The following ABLIM1 variants were observed in gnomAD, a reference collection of about 807,000 sequenced individuals.
ABLIM1 encodes the protein actin-binding LIM protein 1.
Under a neutral mutation model 107.0 loss-of-function variants are expected in ABLIM1, and 40 were observed. That is an observed-to-expected ratio of 0.37 (90% confidence interval 0.29 to 0.49). The LOEUF is 0.49. ABLIM1 is among the 20% of genes least tolerant of loss of function. The pLI, the probability that ABLIM1 is intolerant of heterozygous loss-of-function variation, is 0.97. For synonymous variants in ABLIM1, 357 were observed against 357.3 expected (o/e 1.00, Z 0.01); for missense variants, 857 against 1,008.5 (o/e 0.85, Z 2.04).
At chr10:114,784,405 C>G in the ABLIM1 span, among the ~76,000 whole-genome samples, 1 of 148,882 alleles carries the variant, frequency 6.7e-6, no homozygotes, top group African/African-American at 2.6e-5. Flanking sequence ...TAGCTCACGC[C>G]TGTAATCCTA....
intron 6 of ABLIM1, among the ~76,000 whole-genome samples, chr10:114,500,813 T>C (rs898188005): frequency 7.3e-6 from 1 of 137,396 alleles, no homozygotes; most frequent in South Asian, 2.3e-4. Context: ...CGTAGGATTG[T>C]TATGAAAGTT....
intron 14 of ABLIM1, chr10:114,450,196 A>G (rs1488998727): frequency 4.6e-5 from 12 of 260,206 alleles, no homozygotes; most frequent in Non-Finnish European, 9.5e-5. Context: ...GAGTGTGTGG[A>G]AAGACAATAA....
chr10:114,616,908 T>C (rs1358054341), intron 1 of ABLIM1, among the ~76,000 whole-genome samples: 1 of 152,240 alleles, frequency 6.6e-6, no homozygotes, highest in African/African-American at 2.4e-5. Flanking sequence ...ATTATTGTCC[T>C]TATTTTCTGA....
intron 1 of ABLIM1, chr10:114,631,778 G>C (rs1430049372): frequency 9.8e-7 from 1 of 1,019,748 alleles, no homozygotes; most frequent in Non-Finnish European, 1.3e-6. Flanking sequence ...TCACAATACG[G>C]AGCTTCTCAC....
intron 8 of ABLIM1, among the ~76,000 whole-genome samples, chr10:114,479,856 A>G (rs548337418): frequency 1.3e-5 from 2 of 152,258 alleles, no homozygotes; most frequent in Non-Finnish European, 2.9e-5. Context: ...TTGAATTTCA[A>G]ATTAACATCT....
the ABLIM1 span, among the ~76,000 whole-genome samples, chr10:114,773,690 C>A: frequency 1.3e-5 from 2 of 152,122 alleles, no homozygotes; most frequent in Non-Finnish European, 1.5e-5. Context: ...CCACTGCACT[C>A]CAGCCTGGGC....
intron 6 of ABLIM1, among the ~76,000 whole-genome samples, chr10:114,499,862 G>A (rs368251307): frequency 1.7e-4 from 26 of 152,272 alleles, no homozygotes; most frequent in East Asian, 3.9e-4. Flanking sequence ...GCTTTTTTGC[G>A]TCTACTGGTT....
At chr10:114,536,065 C>T (rs1053698370) in intron 6 of ABLIM1, among the ~76,000 whole-genome samples, 1 of 151,852 alleles carries the variant, frequency 6.6e-6, no homozygotes, top group African/African-American at 2.4e-5. Flanking sequence ...CAAAAAGAAA[C>T]CCCATACCCA....
chr10:114,552,998 G>A (rs940766289), intron 4 of ABLIM1, among the ~76,000 whole-genome samples: 3 of 152,178 alleles, frequency 2.0e-5, no homozygotes, highest in African/African-American at 4.8e-5. Flanking sequence ...CCACTGTTAG[G>A]GGATAGAAAG....
At chr10:114,577,560 T>A (rs1472706024) in intron 2 of ABLIM1, among the ~76,000 whole-genome samples, 1 of 152,224 alleles carries the variant, frequency 6.6e-6, no homozygotes, top group Non-Finnish European at 1.5e-5. Context: ...TTTACTGCTT[T>A]CTTAGGGCAC....
intron 6 of ABLIM1, among the ~76,000 whole-genome samples, chr10:114,529,413 C>T (rs1032331594): frequency 3.3e-5 from 5 of 152,130 alleles, no homozygotes; most frequent in African/African-American, 1.2e-4. Flanking sequence ...TGAGCCACTG[C>T]GCCCGGCCTC....
intron 2 of ABLIM1, among the ~76,000 whole-genome samples, chr10:114,576,858 T>A (rs527492817): frequency 6.6e-6 from 1 of 152,242 alleles, no homozygotes; most frequent in African/African-American, 2.4e-5. Context: ...GAGTCCATCA[T>A]GCCTGAAACT....
intron 12 of ABLIM1, chr10:114,463,035 G>A: frequency 7.5e-7 from 1 of 1,329,196 alleles, no homozygotes; most frequent in Non-Finnish European, 1.0e-6. Flanking sequence ...GGAGAAACCT[G>A]CCTCCTTACC....
intron 6 of ABLIM1, among the ~76,000 whole-genome samples, chr10:114,533,169 A>G (rs959997837): frequency 1.3e-5 from 2 of 152,072 alleles, no homozygotes; most frequent in Non-Finnish European, 2.9e-5. Context: ...GTGAAATCCC[A>G]TCTCTAGTAA....
At chr10:114,517,115 C>T (rs936691062) in intron 6 of ABLIM1, among the ~76,000 whole-genome samples, 7 of 152,144 alleles carry the variant, frequency 4.6e-5, no homozygotes, top group Non-Finnish European at 5.9e-5. Context: ...GCAAGCACTC[C>T]GATTTTTAGA....
the ABLIM1 span, chr10:114,778,403 G>A: frequency 1.3e-5 from 2 of 152,106 alleles, no homozygotes; most frequent in African/African-American, 2.4e-5. Flanking sequence ...TGTCCAAATA[G>A]TTAGATTGTC....
In ABLIM1 at chr10:114,629,629, C is replaced by T. The variant is rs1252762314; in HGVS notation, c.245-27668G>A. ...ACACTGGCAATTGTGGTCTCTCATC[C>T]ACTACATGGTGTGACGAGACACAGA... On this transcript the variant is annotated intron_variant, in intron 1 of 22. Transcript: ENST00000533213. This position sits in a 1 kb window ranked among gnomAD's most constrained non-coding sequence, Gnocchi z 4.0. 6.6e-6 allele frequency among the ~76,000 whole-genome samples: 1 copy of T among 152,152 alleles called. No homozygotes were observed. Among genetic ancestry groups the T allele is most frequent in the African/African-American group, 2.4e-5 (1 of 41,424 alleles).
chr10:114,583,325 C>T (rs868606146), intron 2 of ABLIM1, among the ~76,000 whole-genome samples: 13 of 147,488 alleles, frequency 8.8e-5, no homozygotes, highest in African/African-American at 1.5e-4. Flanking sequence ...TCAGTCCAAA[C>T]GGCTATTACT....
chr10:114,487,067 G>C (rs1409182456), intron 8 of ABLIM1, among the ~76,000 whole-genome samples: 1 of 152,154 alleles, frequency 6.6e-6, no homozygotes, highest in Non-Finnish European at 1.5e-5. Flanking sequence ...ACACATCAGT[G>C]ACTAGACCCC....
Sources: allele counts gnomAD v4.1 joint callset (sites outside exome capture counted in the v4.1 genomes callset), GRCh38; gene constraint gnomAD v4.1.1; non-coding constraint Gnocchi (gnomAD v3.1); transcripts MANE v1.5; gene names NCBI Gene and HGNC (gene_info 2026-07-23, HGNC 2026-07-21).